Variants in WWOX observed in about 807,000 individuals in gnomAD.
The protein encoded by WWOX is WW domain-containing oxidoreductase.
WWOX carries 69 observed loss-of-function variants against 46.2 expected under a neutral mutation model. The ratio of observed to expected loss-of-function variants is 1.49; its 90% CI spans 1.23 to 1.82. The LOEUF (loss-of-function observed/expected upper bound fraction) is 1.82. Among genes scored for constraint, WWOX ranks in the 40% most tolerant of loss-of-function variants. The probability of loss-of-function intolerance (pLI) is 0.00; values close to 1 mark genes in which losing one functional copy is unlikely to be tolerated. For missense variants in WWOX, 919 were observed against 542.6 expected (o/e 1.69, Z -6.89); for synonymous variants, 359 against 202.6 (o/e 1.77, Z -6.56).
At position 78,440,624 on chromosome 16, in the gene WWOX, TC is replaced by T. The variant is rs1354112330; in HGVS notation, c.1056+7873del. On this transcript the variant is annotated intron_variant, in intron 8 of 8. Transcript: ENST00000566780. ...CATAATTTCTGTAGTTTTTTTTTTTTCTTTTTTTTTGAGACGGAGTGTCTCT... is the reference window on the plus strand; with the variant it reads ...CATAATTTCTGTAGTTTTTTTTTTTTTTTTTTTTTGAGACGGAGTGTCTCT... Among the ~76,000 whole-genome samples the T allele has an allele frequency of 3.4e-3, 508 of 150,196 alleles. 2 individuals carry two copies. The highest frequency in any genetic ancestry group is 0.012 in the African/African-American group (487 of 40,434).
At chr16:78,563,518 CT>C (rs59076103) in intron 8 of WWOX, among the ~76,000 whole-genome samples, 24,136 of 132,920 alleles carry the variant, frequency 0.18, 2,675 homozygotes, top group African/African-American at 0.35. Flanking sequence ...CACACACACG[CT>C]TTTTTTTTTT....
intron 8 of WWOX, among the ~76,000 whole-genome samples, chr16:78,781,333 G>A (rs1029520670): frequency 6.6e-6 from 1 of 152,154 alleles, no homozygotes; most frequent in South Asian, 2.1e-4. Context: ...AAGGGGAGCT[G>A]TGTTTGAGAT....
chr16:78,528,894 C>A (rs1226624269), intron 8 of WWOX, among the ~76,000 whole-genome samples: 2 of 151,822 alleles, frequency 1.3e-5, no homozygotes, highest in African/African-American at 2.4e-5. Context: ...GATGGAGAGT[C>A]AGTTGTTTAG....
At chr16:78,531,606 T>G (rs2738489) in intron 8 of WWOX, among the ~76,000 whole-genome samples, 129,105 of 152,116 alleles carry the variant, frequency 0.85, 55,446 homozygotes, top group East Asian at 1. Flanking sequence ...ACTTTGGGAG[T>G]CTGAGGCAGG....
intron 8 of WWOX, among the ~76,000 whole-genome samples, chr16:78,945,275 C>A (rs1597187112): frequency 6.6e-6 from 1 of 152,180 alleles, no homozygotes; most frequent in Non-Finnish European, 1.5e-5. Flanking sequence ...CTTTCAGTTT[C>A]CATGGAATAT....
chr16:78,721,700 T>G (rs1430179661), intron 8 of WWOX, among the ~76,000 whole-genome samples: 1 of 152,234 alleles, frequency 6.6e-6, no homozygotes, highest in Non-Finnish European at 1.5e-5. Flanking sequence ...CTCGGAAATA[T>G]TGGCTGGCCA....
intron 8 of WWOX, among the ~76,000 whole-genome samples, chr16:78,886,918 C>A (rs981942900): frequency 3.9e-5 from 6 of 151,946 alleles, no homozygotes; most frequent in Non-Finnish European, 7.4e-5. Context: ...ACTAGTTCAC[C>A]AAAGCTTCTA....
rs752911892 is a variant in WWOX, at chr16:79,211,903, G to A, written c.*107G>A. 128 of 1,556,484 alleles carry A rather than the reference G, an allele frequency of 8.2e-5. 2 individuals are homozygous for A. The highest frequency in any genetic ancestry group is 5.0e-4 in the South Asian group (43 of 86,012). ...ATGTCCCTCCAACACAGATCCGCAA[G>A]AGTAAAGGAAATAAGAGCAGTCACA... On this transcript the variant is annotated 3_prime_UTR_variant, in exon 9 of 9. Transcript: ENST00000566780.
At chr16:78,827,857 A>G (rs551583849) in intron 8 of WWOX, among the ~76,000 whole-genome samples, 1 of 152,138 alleles carries the variant, frequency 6.6e-6, no homozygotes, top group African/African-American at 2.4e-5. Context: ...AACAACAACA[A>G]CAAAACATAT....
intron 4 of WWOX, among the ~76,000 whole-genome samples, chr16:78,150,623 TCCTCCTG>T (rs1190933678): frequency 1.3e-5 from 2 of 151,768 alleles, no homozygotes; most frequent in Non-Finnish European, 2.9e-5. Flanking sequence ...GCTCAAGCAA[TCCTCCTG>T]CCTCGGCCTC....
rs1345928057 is a variant in WWOX at position 78,100,399 on chromosome 16, T to A, written c.107+514T>A. On this transcript the variant is annotated intron_variant, in intron 1 of 8. Coordinates refer to ENST00000566780, the MANE Select transcript of WWOX (RefSeq NM_016373.4). ...TCTTGAGTGGCTGGGACTACAAGCGTGCACTACTATGCCCGACTAATTTTT... is the reference window on the plus strand; with the variant it reads ...TCTTGAGTGGCTGGGACTACAAGCGAGCACTACTATGCCCGACTAATTTTT... Among the ~76,000 whole-genome samples the A allele has an allele frequency of 2.0e-5, 3 of 152,272 alleles. No individual in the cohort carries two copies. The East Asian group carries it at 5.8e-4, about 29-fold the overall frequency.
intron 8 of WWOX, among the ~76,000 whole-genome samples, chr16:78,836,443 T>C (rs2051986811): frequency 6.6e-6 from 1 of 152,218 alleles, no homozygotes; most frequent in South Asian, 2.1e-4. Flanking sequence ...GACATACTAC[T>C]GTGGACCCAC....
chr16:78,342,018 A>C (rs2081024852), intron 5 of WWOX, among the ~76,000 whole-genome samples: 1 of 120,824 alleles, frequency 8.3e-6, no homozygotes, highest in Non-Finnish European at 2.0e-5. Context: ...TCGGAGGCTG[A>C]GGCAGCAGAA....
intron 8 of WWOX, among the ~76,000 whole-genome samples, chr16:79,099,631 G>C (rs1487550245): frequency 6.6e-6 from 1 of 151,742 alleles, no homozygotes; most frequent in Admixed American, 6.6e-5. Context: ...ATCTTTAGGA[G>C]TTTTAAATAT....
intron 8 of WWOX, among the ~76,000 whole-genome samples, chr16:78,594,440 C>T (rs1380413071): frequency 5.0e-5 from 4 of 80,036 alleles, no homozygotes; most frequent in South Asian, 5.5e-4. Flanking sequence ...CCCCCCCCCC[C>T]CCCCCGCCAA....
intron 8 of WWOX, among the ~76,000 whole-genome samples, chr16:78,499,511 C>T (rs574031321): frequency 5.3e-5 from 8 of 152,178 alleles, no homozygotes; most frequent in Admixed American, 6.5e-5. Context: ...CAACTAGCAG[C>T]GACTGCAGAT....
chr16:79,173,153 C>G (rs983083905), intron 8 of WWOX, among the ~76,000 whole-genome samples: 1 of 152,196 alleles, frequency 6.6e-6, no homozygotes, highest in Non-Finnish European at 1.5e-5. Context: ...GTGCCCATGT[C>G]TCTGGGCCTG....
chr16:78,872,537 C>T lies in WWOX; in HGVS notation c.1057-339071C>T, dbSNP rs79789607. Among the ~76,000 whole-genome samples, 1,222 of 152,292 alleles carry T rather than the reference C, an allele frequency of 8.0e-3. 10 individuals are homozygous for T. Among genetic ancestry groups the T allele is most frequent in the Non-Finnish European group, 0.014 (961 of 68,018 alleles). On this transcript the variant is annotated intron_variant, in intron 8 of 8. Coordinates refer to ENST00000566780, the MANE Select transcript of WWOX (RefSeq NM_016373.4). ...TGTGGCCTTGAACAAGTGCATTAAT[C>T]ACTCTAAGCCTCAATTTCTTTGTTT... is the stretch of plus-strand genomic sequence containing the variant.
At chr16:78,745,212 G>A (rs1330137508) in intron 8 of WWOX, among the ~76,000 whole-genome samples, 1 of 152,182 alleles carries the variant, frequency 6.6e-6, no homozygotes, top group Non-Finnish European at 1.5e-5. Context: ...TCAGTATTAA[G>A]GCACTTGATT....
Sources: allele counts gnomAD v4.1 joint callset (sites outside exome capture counted in the v4.1 genomes callset), GRCh38; gene constraint gnomAD v4.1.1; transcripts MANE v1.5; gene names NCBI Gene and HGNC (gene_info 2026-07-23, HGNC 2026-07-21).